Variants in DLG2 observed in about 807,000 individuals in gnomAD.
DLG2 encodes the protein disks large homolog 2.
Under a neutral mutation model 132.5 loss-of-function variants are expected in DLG2, and 45 were observed. The ratio of observed to expected loss-of-function variants is 0.34; its 90% CI spans 0.27 to 0.44. The LOEUF is 0.44. DLG2 is among the 20% of genes least tolerant of loss of function. The probability of loss-of-function intolerance (pLI) is 1.00; values close to 1 mark genes in which losing one functional copy is unlikely to be tolerated. For missense variants in DLG2, 1,045 were observed against 1,196.9 expected (o/e 0.87, Z 1.87); for synonymous variants, 424 against 419.6 (o/e 1.01, Z -0.13).
intron 4 of DLG2, among the ~76,000 whole-genome samples, chr11:85,159,852 G>T (rs2077889438): frequency 6.6e-6 from 1 of 152,146 alleles, no homozygotes; most frequent in Non-Finnish European, 1.5e-5. Context: ...TATTTGGAGA[G>T]AACTTGATAG....
chr11:85,148,868 T>C (rs570642986), intron 5 of DLG2, among the ~76,000 whole-genome samples: 1 of 152,276 alleles, frequency 6.6e-6, no homozygotes, highest in Non-Finnish European at 1.5e-5. Context: ...TTATCCAAGG[T>C]TTTTATGGTT....
At chr11:84,187,576 C>T (rs2096302148) in intron 8 of DLG2, among the ~76,000 whole-genome samples, 1 of 152,008 alleles carries the variant, frequency 6.6e-6, no homozygotes, top group African/African-American at 2.4e-5. Flanking sequence ...ATTCATTTTA[C>T]ACACAAGAAC....
chr11:85,294,326 G>T (rs1275971632), intron 3 of DLG2, among the ~76,000 whole-genome samples: 2 of 150,920 alleles, frequency 1.3e-5, no homozygotes, highest in Admixed American at 6.6e-5. Flanking sequence ...GTATGGAACT[G>T]AGAAATATCC....
intron 4 of DLG2, among the ~76,000 whole-genome samples, chr11:85,156,935 A>G (rs771371515): frequency 2.6e-5 from 4 of 152,228 alleles, no homozygotes; most frequent in African/African-American, 4.8e-5. Flanking sequence ...TGAAGGATGT[A>G]AAGTATTGTT....
intron 6 of DLG2, among the ~76,000 whole-genome samples, chr11:84,636,784 AT>A (rs58336974): frequency 0.72 from 105,233 of 145,542 alleles, 37,784 homozygotes; most frequent in East Asian, 0.86. Context: ...AGGGATGCAC[AT>A]TTTTTTTTTT....
At chr11:84,795,837 C>T (rs2074516346) in intron 6 of DLG2, among the ~76,000 whole-genome samples, 1 of 152,300 alleles carries the variant, frequency 6.6e-6, no homozygotes, top group South Asian at 2.1e-4. Flanking sequence ...CGGTGCCCAC[C>T]GTGAAAGCCA....
intron 16 of DLG2, among the ~76,000 whole-genome samples, chr11:83,847,409 A>G (rs1043421811): frequency 6.6e-6 from 1 of 152,242 alleles, no homozygotes; most frequent in Non-Finnish European, 1.5e-5. Context: ...TGAAACTCCA[A>G]TTAATTATCA....
intron 19 of DLG2, among the ~76,000 whole-genome samples, chr11:83,584,360 TA>T (rs761232220): frequency 3.6e-4 from 55 of 152,346 alleles, no homozygotes; most frequent in Middle Eastern, 3.4e-3. Flanking sequence ...CCCAGTTCCA[TA>T]TAACAATACG....
At chr11:84,667,481 T>G (rs544591854) in intron 6 of DLG2, among the ~76,000 whole-genome samples, 937 of 36,150 alleles carry the variant, frequency 0.026, 10 homozygotes, top group African/African-American at 0.1. Context: ...TTTTTTTGTT[T>G]TTGTTTTTTG....
chr11:84,525,956 C>T (rs1045406466), intron 7 of DLG2, among the ~76,000 whole-genome samples: 8 of 152,120 alleles, frequency 5.3e-5, no homozygotes, highest in African/African-American at 1.4e-4. Flanking sequence ...AAAATGATCT[C>T]GTGTATAATT....
intron 7 of DLG2, among the ~76,000 whole-genome samples, chr11:84,372,930 A>T (rs937576541): frequency 6.6e-6 from 1 of 152,074 alleles, no homozygotes; most frequent in Non-Finnish European, 1.5e-5. Context: ...AGAGACAATC[A>T]CCTTACCAAA....
chr11:84,989,548 C>T (rs950278941), intron 6 of DLG2, among the ~76,000 whole-genome samples: 1 of 152,142 alleles, frequency 6.6e-6, no homozygotes, highest in Non-Finnish European at 1.5e-5. Flanking sequence ...TCTCCCCAAA[C>T]TGATAAAGAT....
At chr11:84,042,495 T>A (rs2096115757) in intron 11 of DLG2, among the ~76,000 whole-genome samples, 1 of 151,894 alleles carries the variant, frequency 6.6e-6, no homozygotes, top group Non-Finnish European at 1.5e-5. Context: ...AAGTAAAAAT[T>A]GAAATTTTTT....
chr11:84,774,359 C>T (rs2070017467), intron 6 of DLG2, among the ~76,000 whole-genome samples: 2 of 152,096 alleles, frequency 1.3e-5, no homozygotes, highest in South Asian at 4.1e-4. Flanking sequence ...ATTAAAATGG[C>T]CATACTGCCT....
intron 6 of DLG2, among the ~76,000 whole-genome samples, chr11:84,908,277 C>G (rs2154075831): frequency 6.6e-6 from 1 of 152,184 alleles, no homozygotes; most frequent in East Asian, 1.9e-4. Context: ...ATTATCAATT[C>G]AACATATAAT....
Position 83,905,650 on chromosome 11 carries a change from A to C in DLG2, c.1496+24678T>G, listed in dbSNP as rs78591295. Among the ~76,000 whole-genome samples the C allele has an allele frequency of 2.8e-3, 424 of 152,294 alleles. 3 individuals are homozygous for C. The highest frequency in any genetic ancestry group is 9.8e-3 in the African/African-American group (407 of 41,568). ...TCTTGCTTACATATATGTTTTATGG[A>C]CCACTTATTGAGAATCAACTAAGTT... On this transcript the variant is annotated intron_variant, in intron 15 of 27. Transcript: ENST00000376104.
rs376181393 is a variant in DLG2, at chr11:84,513,651, AC to A, written c.519+20918del. 2.9e-3 allele frequency among the ~76,000 whole-genome samples: 439 copies of A among 152,170 alleles called. 2 individuals carry two copies. The highest frequency in any genetic ancestry group is 0.01 in the African/African-American group (431 of 41,532). ...TCCATATGCAGAAGAATGAAACTTG[AC>A]CCATCTCTTGCTTCATACAAAAATC... On this transcript the variant is annotated intron_variant, in intron 7 of 27. Coordinates refer to ENST00000376104, the MANE Select transcript of DLG2 (RefSeq NM_001142699.3).
chr11:84,253,143 G>A (rs2097412860), intron 7 of DLG2, among the ~76,000 whole-genome samples: 1 of 151,996 alleles, frequency 6.6e-6, no homozygotes, highest in Non-Finnish European at 1.5e-5. Context: ...AAAGACTCTG[G>A]AGAAAGACAG....
At chr11:84,625,866 G>C (rs2099621671) in intron 6 of DLG2, among the ~76,000 whole-genome samples, 1 of 152,110 alleles carries the variant, frequency 6.6e-6, no homozygotes, top group Non-Finnish European at 1.5e-5. Context: ...ATAACCACAA[G>C]TGCAGTCTTC....
Sources: allele counts gnomAD v4.1 joint callset (sites outside exome capture counted in the v4.1 genomes callset), GRCh38; gene constraint gnomAD v4.1.1; transcripts MANE v1.5; gene names NCBI Gene and HGNC (gene_info 2026-07-23, HGNC 2026-07-21).